Variants in KIRREL3 observed in about 807,000 individuals in gnomAD.
KIRREL3 encodes the protein kin of IRRE-like protein 3.
In KIRREL3, 36 loss-of-function variants were observed where a neutral mutation model predicts 89.7. The ratio of observed to expected loss-of-function variants is 0.40; its 90% CI spans 0.31 to 0.53. The LOEUF (loss-of-function observed/expected upper bound fraction) is 0.53, where lower values mean the gene tolerates loss of function less well. KIRREL3 is among the 20% of genes least tolerant of loss of function. The pLI is 0.49. For missense variants in KIRREL3, 864 were observed against 1,056.6 expected, an observed-to-expected ratio of 0.82 and a Z score of 2.53; for synonymous variants, 445 against 441.4, an observed-to-expected ratio of 1.01 and a Z score of -0.10.
At chr11:126,916,456 T>C (rs980724906) in intron 1 of KIRREL3, among the ~76,000 whole-genome samples, 4 of 152,082 alleles carry the variant, frequency 2.6e-5, no homozygotes, top group African/African-American at 9.7e-5. Context: ...GGGACCACAC[T>C]GTGAGGACAA....
chr11:126,794,542 A>G (rs906031344), intron 1 of KIRREL3, among the ~76,000 whole-genome samples: 1 of 152,274 alleles, frequency 6.6e-6, no homozygotes, highest in East Asian at 1.9e-4. Flanking sequence ...TATAGGGAAC[A>G]TGTCCAATAA....
chr11:126,478,184 G>A (rs1565486476), intron 4 of KIRREL3, among the ~76,000 whole-genome samples: 2 of 152,156 alleles, frequency 1.3e-5, no homozygotes, highest in East Asian at 1.9e-4. Flanking sequence ...TGTCTGTAAC[G>A]CTCTTTCCTG....
At chr11:126,598,223 C>T (rs1043212505) in intron 1 of KIRREL3, among the ~76,000 whole-genome samples, 1 of 152,170 alleles carries the variant, frequency 6.6e-6, no homozygotes, top group Admixed American at 6.5e-5. Context: ...TTCATGTTTG[C>T]AATAGGCCAT....
Position 126,537,104 on chromosome 11 carries a change from A to G in KIRREL3, c.134-10417T>C, listed in dbSNP as rs991819062. 3.3e-5 allele frequency among the ~76,000 whole-genome samples: 5 copies of G among 152,206 alleles called. No individual in the cohort carries two copies. Among genetic ancestry groups the G allele is most frequent in the African/African-American group, 1.2e-4 (5 of 41,452 alleles). On this transcript the variant is annotated intron_variant, in intron 2 of 16. Coordinates refer to ENST00000525144, the MANE Select transcript of KIRREL3 (RefSeq NM_032531.4). The surrounding 1 kb of genome is among the most constrained non-coding windows in gnomAD (Gnocchi z 4.3). ...TTGAGGGGACATGACCACTCCCCTT[A>G]GGATTAAACCCAGTCAGACCTGGAC...
At chr11:126,483,862 G>A (rs982198901) in intron 4 of KIRREL3, among the ~76,000 whole-genome samples, 12 of 152,172 alleles carry the variant, frequency 7.9e-5, no homozygotes, top group South Asian at 2.1e-4. Context: ...ATCATGCCTT[G>A]TTAACTCTTG....
rs1955022619 is a variant in KIRREL3, at chr11:126,428,635, G to A, written c.1806+544C>T. Among the ~76,000 whole-genome samples, 1 of 152,074 alleles carries A rather than the reference G, an allele frequency of 6.6e-6. No homozygotes were observed. Among genetic ancestry groups the A allele is most frequent in the African/African-American group, 2.4e-5 (1 of 41,402 alleles). ...ACTGAAGAGCCAGGCTCTCTGAAGG[G>A]TAGACTGCATTTTTGTTGTTGTTGT... On this transcript the variant is annotated intron_variant, in intron 15 of 16. Transcript: ENST00000525144. This position sits in a 1 kb window ranked among gnomAD's most constrained non-coding sequence, Gnocchi z 6.4.
intron 1 of KIRREL3, among the ~76,000 whole-genome samples, chr11:126,823,366 C>T (rs552464373): frequency 6.6e-6 from 1 of 152,276 alleles, no homozygotes; most frequent in East Asian, 1.9e-4. Flanking sequence ...TCATTACAGG[C>T]TCATATAACC....
intron 6 of KIRREL3, among the ~76,000 whole-genome samples, chr11:126,461,703 T>G (rs1956549514): frequency 6.6e-6 from 1 of 152,146 alleles, no homozygotes; most frequent in Non-Finnish European, 1.5e-5. Context: ...TGGGAACTTC[T>G]GCTCTCAGCT....
intron 7 of KIRREL3, among the ~76,000 whole-genome samples, chr11:126,450,338 G>C (rs561107841): frequency 7.3e-6 from 1 of 136,652 alleles, no homozygotes; most frequent in African/African-American, 2.8e-5. Context: ...TGTGAGCGTG[G>C]GCATGTGTGT....
chr11:126,530,936 T>C lies in KIRREL3; in HGVS notation c.134-4249A>G, dbSNP rs892069481. Among the ~76,000 whole-genome samples, 2 of 152,114 alleles carry C rather than the reference T, an allele frequency of 1.3e-5. No homozygotes were observed. Among genetic ancestry groups the C allele is most frequent in the Non-Finnish European group, 2.9e-5 (2 of 68,036 alleles). ...ACCTTTGCCTCCCGGGTTCAAGCGATTCTTCTGCCTCAGCCTCTTGAGTAG... is the reference window on the plus strand; with the variant it reads ...ACCTTTGCCTCCCGGGTTCAAGCGACTCTTCTGCCTCAGCCTCTTGAGTAG... On this transcript the variant is annotated intron_variant, in intron 2 of 16. Coordinates refer to ENST00000525144, the MANE Select transcript of KIRREL3 (RefSeq NM_032531.4). The surrounding 1 kb of genome is among the most constrained non-coding windows in gnomAD (Gnocchi z 5.8).
intron 1 of KIRREL3, among the ~76,000 whole-genome samples, chr11:126,841,368 G>T (rs763774730): frequency 6.6e-6 from 1 of 152,170 alleles, no homozygotes; most frequent in Non-Finnish European, 1.5e-5. Flanking sequence ...CCCCAGGAGG[G>T]CAAGGCTTAT....
At chr11:126,670,230 T>C (rs1440293842) in intron 1 of KIRREL3, among the ~76,000 whole-genome samples, 1 of 152,200 alleles carries the variant, frequency 6.6e-6, no homozygotes, top group African/African-American at 2.4e-5. Context: ...TTTTAAAAAA[T>C]CAGCATTTGA....
intron 11 of KIRREL3, chr11:126,440,040 C>A: frequency 5.3e-6 from 2 of 379,768 alleles, no homozygotes; most frequent in Admixed American, 3.5e-5. Flanking sequence ...AGAGACCTGG[C>A]AAGGAGGGCT....
intron 4 of KIRREL3, among the ~76,000 whole-genome samples, chr11:126,507,674 A>G (rs1305453476): frequency 1.3e-5 from 2 of 152,266 alleles, no homozygotes; most frequent in Admixed American, 1.3e-4. Flanking sequence ...GATGAAATGA[A>G]TGAAGAATTC....
intron 1 of KIRREL3, among the ~76,000 whole-genome samples, chr11:126,588,913 G>C (rs575034747): frequency 6.6e-6 from 1 of 152,252 alleles, no homozygotes; most frequent in South Asian, 2.1e-4. Flanking sequence ...CAGGGGAGAC[G>C]AGGGCATCAG....
Position 126,977,273 on chromosome 11 carries a change from T to G in KIRREL3, c.55+23182A>C, listed in dbSNP as rs11220685. On this transcript the variant is annotated intron_variant, in intron 1 of 16. Transcript: ENST00000525144. The surrounding 1 kb of genome is among the most constrained non-coding windows in gnomAD (Gnocchi z 4.7). The stretch of plus-strand genomic sequence containing the variant: ...AGCTCCTTGGAGAGTGTCTGCGCAG[T>G]CAGGTTGGTTTCTTCGGATGCTGCC... 0.055 allele frequency among the ~76,000 whole-genome samples: 8,369 copies of G among 152,204 alleles called. 326 individuals carry two copies. The highest frequency in any genetic ancestry group is 0.18 in the South Asian group (866 of 4,814).
At chr11:126,494,525 G>A (rs1238781108) in intron 4 of KIRREL3, among the ~76,000 whole-genome samples, 1 of 152,126 alleles carries the variant, frequency 6.6e-6, no homozygotes, top group Non-Finnish European at 1.5e-5. Flanking sequence ...GCTTATCATG[G>A]ATTTTTTCAC....
Position 126,906,415 on chromosome 11 carries a change from G to A in KIRREL3, c.55+94040C>T, listed in dbSNP as rs955042402. Among the ~76,000 whole-genome samples, 2 of 152,162 alleles carry A rather than the reference G, an allele frequency of 1.3e-5. No homozygotes were observed. The highest frequency in any genetic ancestry group is 2.4e-5 in the African/African-American group (1 of 41,428). ...AGAGGGAAACTGAGGCTTAAGGAACGGAAGTATTAGCAGCAAGGTTACTCC... is the reference window on the plus strand; with the variant it reads ...AGAGGGAAACTGAGGCTTAAGGAACAGAAGTATTAGCAGCAAGGTTACTCC... On this transcript the variant is annotated intron_variant, in intron 1 of 16. Transcript: ENST00000525144. This position sits in a 1 kb window ranked among gnomAD's most constrained non-coding sequence, Gnocchi z 4.1.
intron 1 of KIRREL3, among the ~76,000 whole-genome samples, chr11:126,580,473 G>C (rs1462537135): frequency 6.6e-6 from 1 of 152,162 alleles, no homozygotes; most frequent in Non-Finnish European, 1.5e-5. Context: ...ATGGGCAAGG[G>C]GGTCCCTGAG....
Sources: gnomAD v4.1 joint callset for allele counts (sites outside exome capture counted in the v4.1 genomes callset) on GRCh38, gnomAD v4.1.1 for gene constraint, Gnocchi (gnomAD v3.1) non-coding constraint, MANE v1.5 for transcripts, NCBI Gene and HGNC (gene_info 2026-07-23, HGNC 2026-07-21) for gene names.